NBEA: variants seen among roughly 807,000 people sequenced by gnomAD.
NBEA encodes the protein neurobeachin, also known as lysosomal-trafficking regulator 2.
NBEA carries 44 observed loss-of-function variants against 343.4 expected under a neutral mutation model. That is an observed-to-expected ratio of 0.13 (90% CI 0.10 to 0.16). NBEA has a LOEUF of 0.16. Ranked by LOEUF, NBEA falls within the 10% of genes least tolerant of loss-of-function variation. NBEA has a pLI of 1.00. For missense variants in NBEA, 2,555 were observed against 3,631.3 expected, an observed-to-expected ratio of 0.70 and a Z score of 7.62; for synonymous variants, 1,175 against 1,238.7, an observed-to-expected ratio of 0.95 and a Z score of 1.08.
intron 38 of NBEA, among the ~76,000 whole-genome samples, chr13:35,420,200 C>A (rs2044184975): frequency 6.6e-6 from 1 of 151,940 alleles, no homozygotes; most frequent in African/African-American, 2.4e-5. Context: ...TGCCTTATTC[C>A]CAGTTTTAGG....
At chr13:34,981,945 G>A (rs1016089848) in intron 1 of NBEA, among the ~76,000 whole-genome samples, 9 of 150,616 alleles carry the variant, frequency 6.0e-5, no homozygotes, top group African/African-American at 2.2e-4. Context: ...GATAATTTAT[G>A]TTCTCTCTTC....
chr13:35,597,185 A>T (rs1363832889), intron 47 of NBEA, among the ~76,000 whole-genome samples: 1 of 152,142 alleles, frequency 6.6e-6, no homozygotes, highest in South Asian at 2.1e-4. Flanking sequence ...GCATTTGAGG[A>T]TATGTTCTTA....
intron 41 of NBEA, among the ~76,000 whole-genome samples, chr13:35,498,453 A>G (rs2076766342): frequency 6.6e-6 from 1 of 152,054 alleles, no homozygotes; most frequent in Non-Finnish European, 1.5e-5. Context: ...CTACTATACC[A>G]CATGAGAGCA....
chr13:35,535,085 T>A (rs914865422), intron 41 of NBEA, among the ~76,000 whole-genome samples: 1 of 148,120 alleles, frequency 6.8e-6, no homozygotes, highest in African/African-American at 2.5e-5. Context: ...AGTCGGGTAA[T>A]CTCTAAATCC....
intron 36 of NBEA, among the ~76,000 whole-genome samples, chr13:35,325,007 T>C (rs1594222929): frequency 6.6e-6 from 1 of 152,278 alleles, no homozygotes; most frequent in East Asian, 1.9e-4. Flanking sequence ...ATAAAATCTG[T>C]CTTTGAAGTT....
intron 1 of NBEA, among the ~76,000 whole-genome samples, chr13:35,037,051 G>C (rs368754734): frequency 4.4e-4 from 67 of 152,082 alleles, no homozygotes; most frequent in African/African-American, 1.6e-3. Context: ...GCCCTTTTGA[G>C]GCTATTCTCT....
intron 40 of NBEA, among the ~76,000 whole-genome samples, chr13:35,454,860 A>G (rs1029238508): frequency 1.6e-4 from 24 of 152,252 alleles, no homozygotes; most frequent in Middle Eastern, 3.4e-3. Flanking sequence ...ACTCCGTCTC[A>G]ACAAAATAAA....
intron 38 of NBEA, among the ~76,000 whole-genome samples, chr13:35,404,968 A>G (rs1300683109): frequency 6.6e-6 from 1 of 152,166 alleles, no homozygotes; most frequent in Non-Finnish European, 1.5e-5. Context: ...GGAAACAGTC[A>G]GAAGGGAGTA....
intron 35 of NBEA, among the ~76,000 whole-genome samples, chr13:35,300,853 G>GT (rs1458447741): frequency 6.6e-6 from 1 of 151,798 alleles, no homozygotes. Flanking sequence ...TTCTCATTCC[G>GT]TTTTTTTCTT....
At chr13:34,957,862 T>C (rs1286735050) in intron 1 of NBEA, among the ~76,000 whole-genome samples, 1 of 152,164 alleles carries the variant, frequency 6.6e-6, no homozygotes, top group Non-Finnish European at 1.5e-5. Flanking sequence ...TATAACTCTT[T>C]TGAGTCTATT....
chr13:35,389,560 T>A (rs1163793371), intron 38 of NBEA, among the ~76,000 whole-genome samples: 26 of 152,264 alleles, frequency 1.7e-4, no homozygotes, highest in Admixed American at 7.2e-4. Context: ...TTTCTTAAAA[T>A]TTTTTAAATG....
At chr13:34,988,259 A>G (rs563341932) in intron 1 of NBEA, among the ~76,000 whole-genome samples, 1 of 151,120 alleles carries the variant, frequency 6.6e-6, no homozygotes, top group Non-Finnish European at 1.5e-5. Context: ...CACGGGGGTC[A>G]GGGAGGAGGT....
chr13:35,445,431 A>G lies in NBEA; in HGVS notation c.6305-6661A>G, dbSNP rs191724783. Reference sequence around the variant, plus strand: ...TCCTGTGAAAGAAAATGTGGAAAATACTTAATATTACTCTTCTACAAATTT... The same window carrying G: ...TCCTGTGAAAGAAAATGTGGAAAATGCTTAATATTACTCTTCTACAAATTT... On this transcript the variant is annotated intron_variant, in intron 39 of 58. Transcript: ENST00000379939. 2.6e-5 allele frequency among the ~76,000 whole-genome samples: 4 copies of G among 152,162 alleles called. No individual in the cohort carries two copies. In the East Asian group the frequency reaches 7.7e-4, roughly 29 times the overall value.
chr13:34,956,392 T>C (rs2059492810), intron 1 of NBEA, among the ~76,000 whole-genome samples: 1 of 150,900 alleles, frequency 6.6e-6, no homozygotes, highest in Admixed American at 6.6e-5. Flanking sequence ...GAAAGTTGTT[T>C]TTTTTTTTTT....
intron 30 of NBEA, among the ~76,000 whole-genome samples, chr13:35,193,970 T>G (rs2072395169): frequency 6.6e-6 from 1 of 151,942 alleles, no homozygotes; most frequent in Non-Finnish European, 1.5e-5. Flanking sequence ...ATGTTATTTA[T>G]TCCTAATTTA....
chr13:35,538,230 A>G (rs1372468584), intron 41 of NBEA, among the ~76,000 whole-genome samples: 1 of 152,196 alleles, frequency 6.6e-6, no homozygotes, highest in Non-Finnish European at 1.5e-5. Flanking sequence ...CTGAAAATGA[A>G]ATTTGTTTAT....
chr13:35,130,798 C>T (rs2067379555), intron 17 of NBEA, among the ~76,000 whole-genome samples: 1 of 151,882 alleles, frequency 6.6e-6, no homozygotes, highest in South Asian at 2.1e-4. Context: ...ATACAGATGA[C>T]TTTCTCTGCA....
chr13:35,625,640 A>G (rs1460275153), intron 48 of NBEA, among the ~76,000 whole-genome samples: 2 of 151,890 alleles, frequency 1.3e-5, no homozygotes, highest in Non-Finnish European at 1.5e-5. Flanking sequence ...TAATAATAAT[A>G]AAATTAAATA....
Position 35,309,319 on chromosome 13 carries a change from T to C in NBEA, c.5839-209T>C, listed in dbSNP as rs1380762321. Among the ~76,000 whole-genome samples the C allele has an allele frequency of 2.6e-5, 4 of 152,112 alleles. No individual in the cohort carries two copies. In the East Asian group the frequency reaches 7.7e-4, roughly 29 times the overall value. On this transcript the variant is annotated intron_variant, in intron 35 of 58. Coordinates refer to ENST00000379939, the MANE Select transcript of NBEA (RefSeq NM_001385012.1). The stretch of plus-strand genomic sequence containing the variant: ...TCTCAGTTTGCATCCAGCCTGAAAT[T>C]TTCTGGTGAATCAAAAGCACCTTAT...
Sources: allele counts gnomAD v4.1 joint callset (sites outside exome capture counted in the v4.1 genomes callset), GRCh38; gene constraint gnomAD v4.1.1; transcripts MANE v1.5; gene names NCBI Gene and HGNC (gene_info 2026-07-23, HGNC 2026-07-21).